Variants in RIMS2 observed in about 807,000 individuals in gnomAD.
The protein encoded by RIMS2 is regulating synaptic membrane exocytosis 2.
A neutral mutation model predicts 174.4 loss-of-function variants in RIMS2; 59 were observed. That is an observed-to-expected ratio of 0.34 (90% CI 0.27 to 0.42). The LOEUF is 0.42. Ranked by LOEUF, RIMS2 falls within the 10% of genes least tolerant of loss-of-function variation. The pLI is 1.00. For missense variants in RIMS2, 1,620 were observed against 1,666.3 expected, an observed-to-expected ratio of 0.97 and a Z score of 0.48; for synonymous variants, 606 against 572.5, an observed-to-expected ratio of 1.06 and a Z score of -0.84.
At chr8:103,944,422 A>G (rs1261448140) in intron 14 of RIMS2, among the ~76,000 whole-genome samples, 1 of 152,056 alleles carries the variant, frequency 6.6e-6, no homozygotes, top group Non-Finnish European at 1.5e-5. Context: ...TTATGTACTA[A>G]TTCTTAAAGT....
intron 4 of RIMS2, among the ~76,000 whole-genome samples, chr8:103,904,246 C>T (rs550352280): frequency 6.6e-6 from 1 of 152,006 alleles, no homozygotes; most frequent in Non-Finnish European, 1.5e-5. Flanking sequence ...CCCTTGAGGT[C>T]TATCCATGTT....
chr8:103,627,381 T>A (rs1355487416), intron 1 of RIMS2, among the ~76,000 whole-genome samples: 4 of 152,114 alleles, frequency 2.6e-5, no homozygotes, highest in Non-Finnish European at 4.4e-5. Flanking sequence ...CAAACACACA[T>A]GTTTTACAAT....
At chr8:104,120,209 A>T (rs550603129) in intron 19 of RIMS2, among the ~76,000 whole-genome samples, 38 of 152,332 alleles carry the variant, frequency 2.5e-4, no homozygotes, top group African/African-American at 8.7e-4. Context: ...GTTAACATTT[A>T]AGTAGCATTT....
At chr8:103,902,956 G>A (rs1440920063) in intron 4 of RIMS2, among the ~76,000 whole-genome samples, 1 of 151,814 alleles carries the variant, frequency 6.6e-6, no homozygotes, top group Non-Finnish European at 1.5e-5. Flanking sequence ...ATACACATTG[G>A]GAAATGCCAC....
intron 1 of RIMS2, among the ~76,000 whole-genome samples, chr8:103,646,934 A>G (rs2096347428): frequency 6.6e-6 from 1 of 152,194 alleles, no homozygotes; most frequent in Non-Finnish European, 1.5e-5. Context: ...GAATGTTTCC[A>G]GCTTTTGCCC....
chr8:104,140,368 T>C (rs1444809909), intron 19 of RIMS2, among the ~76,000 whole-genome samples: 2 of 152,160 alleles, frequency 1.3e-5, no homozygotes, highest in African/African-American at 4.8e-5. Flanking sequence ...ACTGGGTTTA[T>C]TCCCTTTTCT....
chr8:103,561,746 C>T (rs985468386), intron 1 of RIMS2, among the ~76,000 whole-genome samples: 3 of 152,022 alleles, frequency 2.0e-5, no homozygotes, highest in African/African-American at 7.2e-5. Flanking sequence ...GTATTTTTTC[C>T]CCTGCCTTTG....
intron 1 of RIMS2, among the ~76,000 whole-genome samples, chr8:103,536,666 G>C (rs972074151): frequency 6.6e-6 from 1 of 152,054 alleles, no homozygotes; most frequent in Non-Finnish European, 1.5e-5. Context: ...GGTGCTATAC[G>C]CTTTTAAATA....
In RIMS2 at chr8:104,203,925, C is replaced by G. The variant is rs569623810; in HGVS notation, c.3335-40991C>G. On this transcript the variant is annotated intron_variant, in intron 19 of 23. Coordinates refer to ENST00000504942, the Ensembl canonical transcript of RIMS2. ...TGACTTTTATAAAGAATGGCTACAG[C>G]TACTTCTCAATTGAGTAAAGGGATG... Among the ~76,000 whole-genome samples the G allele has an allele frequency of 2.0e-5, 3 of 152,262 alleles. No individual in the cohort carries two copies. In the East Asian group the frequency reaches 5.8e-4, roughly 29 times the overall value.
intron 1 of RIMS2, among the ~76,000 whole-genome samples, chr8:103,644,891 T>C (rs1481125648): frequency 1.3e-5 from 2 of 152,066 alleles, no homozygotes; most frequent in African/African-American, 4.8e-5. Flanking sequence ...TGATAAAAAC[T>C]TGTCACTGAT....
At chr8:103,682,918 T>C (rs2096897573) in intron 1 of RIMS2, among the ~76,000 whole-genome samples, 2 of 152,280 alleles carry the variant, frequency 1.3e-5, no homozygotes, top group East Asian at 3.9e-4. Context: ...ACAGTTCTTA[T>C]GTAAGAGAGT....
At chr8:103,625,841 A>C (rs1377382798) in intron 1 of RIMS2, among the ~76,000 whole-genome samples, 2 of 151,976 alleles carry the variant, frequency 1.3e-5, no homozygotes, top group Non-Finnish European at 2.9e-5. Context: ...AGTTGTATAC[A>C]TACATGAATA....
At chr8:104,009,505 C>T (rs2095689909) in intron 17 of RIMS2, among the ~76,000 whole-genome samples, 1 of 151,974 alleles carries the variant, frequency 6.6e-6, no homozygotes, top group South Asian at 2.1e-4. Flanking sequence ...CCATGTTGCC[C>T]AGTCTGGTCT....
chr8:104,002,156 A>G (rs2095414498), intron 17 of RIMS2, among the ~76,000 whole-genome samples: 1 of 152,064 alleles, frequency 6.6e-6, no homozygotes, highest in African/African-American at 2.4e-5. Flanking sequence ...TTTGAATACT[A>G]TGCCCTTGGA....
intron 4 of RIMS2, among the ~76,000 whole-genome samples, chr8:103,890,645 G>T (rs933591225): frequency 6.6e-6 from 1 of 151,780 alleles, no homozygotes; most frequent in African/African-American, 2.4e-5. Context: ...CTTTCTGTTC[G>T]GTTAGGAAAT....
chr8:103,819,462 C>G (rs1459288043), intron 3 of RIMS2: 1 of 1,605,290 alleles, frequency 6.2e-7, no homozygotes, highest in African/African-American at 1.3e-5. Flanking sequence ...ATTTTAAAGA[C>G]AGGTGGTAGG....
intron 19 of RIMS2, among the ~76,000 whole-genome samples, chr8:104,095,191 T>C (rs187860438): frequency 6.6e-6 from 1 of 152,320 alleles, no homozygotes; most frequent in East Asian, 1.9e-4. Context: ...TATTATTTCC[T>C]GGAAACAAAC....
At chr8:104,043,568 G>A (rs1432548165) in intron 19 of RIMS2, among the ~76,000 whole-genome samples, 1 of 151,674 alleles carries the variant, frequency 6.6e-6, no homozygotes, top group Non-Finnish European at 1.5e-5. Flanking sequence ...ATGTTTTCAT[G>A]TGAAATCATG....
intron 2 of RIMS2, among the ~76,000 whole-genome samples, chr8:103,728,071 T>C (rs1339845841): frequency 6.6e-6 from 1 of 152,180 alleles, no homozygotes; most frequent in Non-Finnish European, 1.5e-5. Context: ...TCCATGAACA[T>C]GGAATATCTT....
Sources: allele counts gnomAD v4.1 joint callset (sites outside exome capture counted in the v4.1 genomes callset), GRCh38; gene constraint gnomAD v4.1.1; transcripts MANE v1.5; gene names NCBI Gene and HGNC (gene_info 2026-07-23, HGNC 2026-07-21).